SHISA9: variants seen among roughly 807,000 people sequenced by gnomAD.
SHISA9 encodes the protein protein shisa-9.
Under a neutral mutation model 38.0 loss-of-function variants are expected in SHISA9, and 13 were observed. That is an observed-to-expected ratio of 0.34 (90% CI 0.22 to 0.54). The LOEUF (loss-of-function observed/expected upper bound fraction) is 0.54, where lower values mean the gene tolerates loss of function less well. Among genes scored for constraint, SHISA9 ranks in the 20% least tolerant of loss-of-function variants. The pLI is 0.91. For missense variants in SHISA9, 538 were observed against 575.8 expected (o/e 0.93, Z 0.67); for synonymous variants, 275 against 242.0 (o/e 1.14, Z -1.27).
the SHISA9 span, among the ~76,000 whole-genome samples, chr16:13,464,859 A>C: frequency 6.6e-6 from 1 of 151,932 alleles, no homozygotes; most frequent in Admixed American, 6.6e-5. Flanking sequence ...CAGAAAAATA[A>C]AGACATGAGT....
At chr16:12,990,871 T>G (rs983450693) in intron 2 of SHISA9, among the ~76,000 whole-genome samples, 1 of 152,172 alleles carries the variant, frequency 6.6e-6, no homozygotes, top group Non-Finnish European at 1.5e-5. Flanking sequence ...ACCCATAGCT[T>G]TTCTATGGTT....
At chr16:13,543,242 T>C in the SHISA9 span, among the ~76,000 whole-genome samples, 1 of 152,164 alleles carries the variant, frequency 6.6e-6, no homozygotes, top group East Asian at 1.9e-4. Context: ...TGTGGTATAA[T>C]GTTAGATGGT....
intron 2 of SHISA9, among the ~76,000 whole-genome samples, chr16:13,037,883 C>A (rs1236796265): frequency 6.6e-6 from 1 of 152,190 alleles, no homozygotes; most frequent in Non-Finnish European, 1.5e-5. Flanking sequence ...CCTGACTACT[C>A]CACCAGTTTC....
chr16:13,113,806 G>A (rs1057267391), intron 2 of SHISA9, among the ~76,000 whole-genome samples: 4 of 152,194 alleles, frequency 2.6e-5, no homozygotes, highest in African/African-American at 7.2e-5. Context: ...GTCCAGGCCT[G>A]TATCTCAGGG....
intron 2 of SHISA9, among the ~76,000 whole-genome samples, chr16:13,144,251 C>G (rs1427558829): frequency 2.0e-5 from 3 of 151,138 alleles, no homozygotes; most frequent in Non-Finnish European, 2.9e-5. Flanking sequence ...CTCCTGGGTT[C>G]AAGAGATTCT....
chr16:13,480,887 C>G, the SHISA9 span, among the ~76,000 whole-genome samples: 1 of 152,168 alleles, frequency 6.6e-6, no homozygotes, highest in Non-Finnish European at 1.5e-5. Context: ...GGATAAAACA[C>G]TTATGTTTAA....
At chr16:12,940,014 G>T (rs796842397) in intron 2 of SHISA9, among the ~76,000 whole-genome samples, 1 of 152,162 alleles carries the variant, frequency 6.6e-6, no homozygotes, top group East Asian at 1.9e-4. Flanking sequence ...TCCAACCAAC[G>T]AATTCTTACT....
chr16:13,389,253 C>T, the SHISA9 span, among the ~76,000 whole-genome samples: 1 of 152,158 alleles, frequency 6.6e-6, no homozygotes, highest in Non-Finnish European at 1.5e-5. Context: ...CTCTGGCAAC[C>T]CCTGAGCTGT....
chr16:13,087,295 C>T (rs996296132), intron 2 of SHISA9, among the ~76,000 whole-genome samples: 2 of 151,672 alleles, frequency 1.3e-5, no homozygotes, highest in Non-Finnish European at 2.9e-5. Context: ...CATACGTGTG[C>T]GTGTGTCTAT....
chr16:13,382,423 G>T, the SHISA9 span, among the ~76,000 whole-genome samples: 3 of 151,484 alleles, frequency 2.0e-5, no homozygotes, highest in Admixed American at 2.0e-4. Flanking sequence ...AGCCACTTGG[G>T]AGCCTGGGTC....
chr16:12,944,506 G>A (rs1016123742), intron 2 of SHISA9, among the ~76,000 whole-genome samples: 3 of 152,122 alleles, frequency 2.0e-5, no homozygotes, highest in South Asian at 2.1e-4. Flanking sequence ...GACCTTGCAC[G>A]TTTGAACTAA....
At chr16:12,925,083 C>T (rs1433894409) in intron 2 of SHISA9, among the ~76,000 whole-genome samples, 1 of 152,124 alleles carries the variant, frequency 6.6e-6, no homozygotes, top group Non-Finnish European at 1.5e-5. Context: ...TGATACAAAT[C>T]GGCATGAATT....
the SHISA9 span, among the ~76,000 whole-genome samples, chr16:13,307,912 T>C: frequency 2.0e-5 from 3 of 152,308 alleles, no homozygotes; most frequent in Admixed American, 6.5e-5. Flanking sequence ...TAACGGTCCT[T>C]CCAGCAATTA....
rs570562056 is a variant in SHISA9, at chr16:12,984,914, AAACTCTGAAGCCTAATGTATGTCC to A, written c.691+68101_691+68124del. Among the ~76,000 whole-genome samples the A allele has an allele frequency of 7.2e-5, 11 of 152,300 alleles. No individual in the cohort carries two copies. The South Asian group carries it at 2.3e-3, about 32-fold the overall frequency. Reference sequence around the variant, plus strand: ...CAGTTCTCTTGCCTCCAGTTGGAACAAACTCTGAAGCCTAATGTATGTCCAGAGCTCCCGACGGGATTAGGCTGA... The same window carrying A: ...CAGTTCTCTTGCCTCCAGTTGGAACAAGAGCTCCCGACGGGATTAGGCTGA... On this transcript the variant is annotated intron_variant, in intron 2 of 4. Transcript: ENST00000558583.
At chr16:13,219,204 T>A (rs1305304171) in intron 4 of SHISA9, among the ~76,000 whole-genome samples, 1 of 152,232 alleles carries the variant, frequency 6.6e-6, no homozygotes, top group East Asian at 1.9e-4. Context: ...AACATTTGAC[T>A]AGTTTGGCCG....
chr16:13,095,308 A>T (rs1270789573), intron 2 of SHISA9, among the ~76,000 whole-genome samples: 1 of 152,220 alleles, frequency 6.6e-6, no homozygotes, highest in Non-Finnish European at 1.5e-5. Flanking sequence ...TCAGCTGAGG[A>T]TGCTGGGGAG....
chr16:12,948,088 G>A (rs1387406447), intron 2 of SHISA9, among the ~76,000 whole-genome samples: 1 of 152,192 alleles, frequency 6.6e-6, no homozygotes, highest in Non-Finnish European at 1.5e-5. Flanking sequence ...CAAACCAATT[G>A]TGTGCCAGGA....
At chr16:13,437,074 C>T in the SHISA9 span, among the ~76,000 whole-genome samples, 3 of 152,108 alleles carry the variant, frequency 2.0e-5, no homozygotes, top group East Asian at 1.9e-4. Context: ...TACCTCCCAC[C>T]GGGTCCCTCC....
intron 2 of SHISA9, among the ~76,000 whole-genome samples, chr16:12,991,905 C>T (rs1008930287): frequency 3.9e-5 from 6 of 152,038 alleles, no homozygotes; most frequent in Middle Eastern, 3.4e-3. Flanking sequence ...CTTATCCATC[C>T]GATGGGTTCA....
Sources: allele counts gnomAD v4.1 joint callset (sites outside exome capture counted in the v4.1 genomes callset), GRCh38; gene constraint gnomAD v4.1.1; transcripts MANE v1.5; gene names NCBI Gene and HGNC (gene_info 2026-07-23, HGNC 2026-07-21).